YY1: variants seen among roughly 807,000 people sequenced by gnomAD.
The protein encoded by YY1 is YY1 transcription factor, also known as transcriptional repressor protein YY1.
In YY1, 2 loss-of-function variants were observed where a neutral mutation model predicts 35.6. That is an observed-to-expected ratio of 0.06 (90% CI 0.02 to 0.18). The LOEUF is 0.18. Ranked by LOEUF, YY1 falls within the 10% of genes least tolerant of loss-of-function variation. The probability of loss-of-function intolerance (pLI) is 1.00; values close to 1 mark genes in which losing one functional copy is unlikely to be tolerated. For synonymous variants in YY1, 268 were observed against 238.9 expected, an observed-to-expected ratio of 1.12 and a Z score of -1.12; for missense variants, 322 against 573.4, an observed-to-expected ratio of 0.56 and a Z score of 4.48.
At chr14:100,243,238 C>G (rs1290878468) in intron 1 of YY1, among the ~76,000 whole-genome samples, 1 of 152,180 alleles carries the variant, frequency 6.6e-6, no homozygotes, top group Non-Finnish European at 1.5e-5. Context: ...TTGGGTAAAT[C>G]TGTATGTATG....
At chr14:100,269,418 G>A (rs1891201940) in intron 2 of YY1, among the ~76,000 whole-genome samples, 1 of 152,144 alleles carries the variant, frequency 6.6e-6, no homozygotes, top group Non-Finnish European at 1.5e-5. Context: ...CATTCATAAT[G>A]TCTATGCTGT....
At chr14:100,266,645 C>T (rs892476715) in intron 2 of YY1, among the ~76,000 whole-genome samples, 2 of 152,004 alleles carry the variant, frequency 1.3e-5, no homozygotes, top group Admixed American at 6.6e-5. Context: ...ACCAGATAGC[C>T]ATCCAAAACA....
At chr14:100,251,598 C>G (rs1890924953) in intron 1 of YY1, among the ~76,000 whole-genome samples, 1 of 152,234 alleles carries the variant, frequency 6.6e-6, no homozygotes, top group Non-Finnish European at 1.5e-5. Flanking sequence ...GGCACAAGAC[C>G]TACTGTTCCC....
chr14:100,270,864 C>T (rs182170222), intron 2 of YY1, among the ~76,000 whole-genome samples: 1 of 152,164 alleles, frequency 6.6e-6, no homozygotes, highest in Admixed American at 6.5e-5. Flanking sequence ...GGTGAAACCA[C>T]ATCTCTACAA....
At chr14:100,256,182 T>G (rs1891003599) in intron 1 of YY1, among the ~76,000 whole-genome samples, 1 of 152,026 alleles carries the variant, frequency 6.6e-6, no homozygotes, top group Non-Finnish European at 1.5e-5. Context: ...TTCTCACAGA[T>G]TACGATATAA....
At chr14:100,242,405 T>TGAGA (rs1890763080) in intron 1 of YY1, among the ~76,000 whole-genome samples, 1 of 126,064 alleles carries the variant, frequency 7.9e-6, no homozygotes, top group African/African-American at 3.0e-5. Context: ...TTTTTTTTTT[T>TGAGA]TGAGATGGAG....
At chr14:100,267,648 C>T (rs1366827401) in intron 2 of YY1, among the ~76,000 whole-genome samples, 3 of 151,948 alleles carry the variant, frequency 2.0e-5, no homozygotes, top group Non-Finnish European at 2.9e-5. Flanking sequence ...CTCAGCCTTC[C>T]GAGTAGCTGG....
At chr14:100,251,643 G>A (rs985806953) in intron 1 of YY1, among the ~76,000 whole-genome samples, 2 of 152,004 alleles carry the variant, frequency 1.3e-5, no homozygotes, top group African/African-American at 2.4e-5. Flanking sequence ...GTGGAATAAA[G>A]GGGCTTTTTT....
At chr14:100,246,097 T>C (rs1890828819) in intron 1 of YY1, among the ~76,000 whole-genome samples, 1 of 152,222 alleles carries the variant, frequency 6.6e-6, no homozygotes, top group Admixed American at 6.5e-5. Context: ...GATATTTTAA[T>C]TCGGAGCAGA....
intron 1 of YY1, among the ~76,000 whole-genome samples, chr14:100,255,841 A>C (rs978615453): frequency 6.6e-6 from 1 of 152,202 alleles, no homozygotes; most frequent in Non-Finnish European, 1.5e-5. Flanking sequence ...ACTTGTGGAC[A>C]TCTCTCTTCA....
chr14:100,258,123 CTG>C (rs1053905761), intron 1 of YY1, among the ~76,000 whole-genome samples: 1 of 151,332 alleles, frequency 6.6e-6, no homozygotes, highest in Non-Finnish European at 1.5e-5. Flanking sequence ...TAGAGGGAGA[CTG>C]TGTCAAAAAA....
chr14:100,270,290 A>T (rs79600310), intron 2 of YY1, among the ~76,000 whole-genome samples: 2 of 128,994 alleles, frequency 1.6e-5, no homozygotes, highest in South Asian at 4.9e-4. Context: ...AAAAAAAAAA[A>T]TTAAGTTACT....
In YY1 at chr14:100,271,534, AAC is replaced by A. The variant is rs1163217082; in HGVS notation, c.843-3162_843-3161del. Among the ~76,000 whole-genome samples, 3 of 152,328 alleles carry A rather than the reference AAC, an allele frequency of 2.0e-5. No homozygotes were observed. In the East Asian group the frequency reaches 5.8e-4, roughly 29 times the overall value. ...GCATCCTTTATTCAAAATGCTTAGG[AAC>A]AGTAGCACTTTGGATTTTGGGGTTT... is the stretch of plus-strand genomic sequence containing the variant. On this transcript the variant is annotated intron_variant, in intron 2 of 4. Transcript: ENST00000262238.
At chr14:100,253,778 G>A (rs960551093) in intron 1 of YY1, among the ~76,000 whole-genome samples, 5 of 152,140 alleles carry the variant, frequency 3.3e-5, no homozygotes, top group African/African-American at 4.8e-5. Flanking sequence ...GAGCCACTGC[G>A]CTGGGCCAGG....
At chr14:100,242,390 T>TG (rs1890762214) in intron 1 of YY1, among the ~76,000 whole-genome samples, 3 of 142,542 alleles carry the variant, frequency 2.1e-5, no homozygotes, top group Non-Finnish European at 4.6e-5. Flanking sequence ...TTTTTTTTTT[T>TG]TTTTTTTTTT....
At chr14:100,262,496 A>G in intron 2 of YY1, 30 bp downstream of exon 2, 1 of 1,611,582 alleles carries the variant, frequency 6.2e-7, no homozygotes, top group Non-Finnish European at 8.5e-7. Flanking sequence ...CTTTCTTTTA[A>G]TTATAGAAAG....
At chr14:100,258,446 G>T (rs1326729647) in intron 1 of YY1, among the ~76,000 whole-genome samples, 1 of 152,154 alleles carries the variant, frequency 6.6e-6, no homozygotes, top group Non-Finnish European at 1.5e-5. Context: ...ATAACCTTGG[G>T]TATATTATCA....
At chr14:100,241,498 G>A (rs1204527969) in intron 1 of YY1, among the ~76,000 whole-genome samples, 1 of 152,198 alleles carries the variant, frequency 6.6e-6, no homozygotes. Context: ...AAATCTAATA[G>A]GAAGGTGCTA....
At chr14:100,248,218 C>G (rs377372047) in intron 1 of YY1, among the ~76,000 whole-genome samples, 2 of 150,044 alleles carry the variant, frequency 1.3e-5, no homozygotes, top group South Asian at 2.1e-4. Flanking sequence ...CGGGTTCATA[C>G]CATTCTCCTG....
Sources: gnomAD v4.1 joint callset for allele counts (sites outside exome capture counted in the v4.1 genomes callset) on GRCh38, gnomAD v4.1.1 for gene constraint, MANE v1.5 for transcripts, NCBI Gene and HGNC (gene_info 2026-07-23, HGNC 2026-07-21) for gene names.